The following YES1 variants were observed in gnomAD, a reference collection of about 807,000 sequenced individuals.
The protein encoded by YES1 is YES proto-oncogene 1, Src family tyrosine kinase, also known as tyrosine-protein kinase Yes.
A neutral mutation model predicts 70.4 loss-of-function variants in YES1; 39 were observed. That is an observed-to-expected ratio of 0.55 (90% CI 0.43 to 0.72). The LOEUF is 0.72. Among genes scored for constraint, YES1 ranks in the 30% least tolerant of loss-of-function variants. The pLI is 0.00. For missense variants in YES1, 495 were observed against 644.8 expected (o/e 0.77, Z 2.52); for synonymous variants, 198 against 218.6 (o/e 0.91, Z 0.83).
chr18:801,992 TGTTAGTG>T (rs1475329860), intron 1 of YES1, among the ~76,000 whole-genome samples: 4 of 152,240 alleles, frequency 2.6e-5, no homozygotes, highest in African/African-American at 9.6e-5. Flanking sequence ...TTGCTACAGT[TGTTAGTG>T]TAATAACACA....
chr18:762,169 A>C lies in YES1; in HGVS notation c.-8-5334T>G, dbSNP rs549303855. The stretch of plus-strand genomic sequence containing the variant: ...AACCCTGTCTCTACTAAAAATACAA[A>C]ATTAGCTGGGCGTGGTGGCCCATGC... On this transcript the variant is annotated intron_variant, in intron 1 of 11. Transcript: ENST00000314574. Among the ~76,000 whole-genome samples the C allele has an allele frequency of 1.1e-4, 17 of 152,274 alleles. 1 individual carries two copies. The highest frequency in any genetic ancestry group is 6.2e-4 in the South Asian group (3 of 4,812).
At chr18:736,570 G>A (rs553805130) in intron 10 of YES1, 346 of 366,246 alleles carry the variant, frequency 9.4e-4, no homozygotes, top group Non-Finnish European at 1.4e-3. Flanking sequence ...CAAAAGAAGT[G>A]TAAAGAGGCT....
chr18:731,636 G>C (rs1240232440), intron 11 of YES1, among the ~76,000 whole-genome samples: 1 of 152,156 alleles, frequency 6.6e-6, no homozygotes, highest in African/African-American at 2.4e-5. Context: ...TTTCAAGTGA[G>C]CTAAAATTTC....
intron 1 of YES1, among the ~76,000 whole-genome samples, chr18:787,281 G>A (rs1258010457): frequency 6.6e-6 from 1 of 150,958 alleles, no homozygotes. Context: ...TGTATTTTTA[G>A]TAGAGATAGG....
chr18:786,485 T>G (rs1181518375), intron 1 of YES1, among the ~76,000 whole-genome samples: 8 of 121,424 alleles, frequency 6.6e-5, no homozygotes, highest in Non-Finnish European at 1.3e-4. Flanking sequence ...ACATCATCAT[T>G]AATAAGTCCA....
At position 804,427 on chromosome 18, in the gene YES1, G is replaced by A. The variant is rs138815540; in HGVS notation, c.-9+7687C>T. On this transcript the variant is annotated intron_variant, in intron 1 of 11. Coordinates refer to ENST00000314574, the MANE Select transcript of YES1 (RefSeq NM_005433.4). ...GTTCGAGACCAGCCTGGCCAACATG[G>A]TGAAACCCCCATCTCTACTAAAAAT... 4.1e-3 allele frequency among the ~76,000 whole-genome samples: 616 copies of A among 152,048 alleles called. 8 individuals are homozygous for A. Among genetic ancestry groups the A allele is most frequent in the African/African-American group, 0.014 (591 of 41,460 alleles).
intron 1 of YES1, among the ~76,000 whole-genome samples, chr18:810,851 A>G (rs1368361992): frequency 6.6e-6 from 1 of 152,186 alleles, no homozygotes; most frequent in African/African-American, 2.4e-5. Flanking sequence ...CAATATATGA[A>G]CATCGTAAGT....
intron 8 of YES1, among the ~76,000 whole-genome samples, chr18:741,242 C>CTT (rs559380772): frequency 6.9e-6 from 1 of 144,542 alleles, no homozygotes; most frequent in Non-Finnish European, 1.5e-5. Flanking sequence ...TCCTTTTCTC[C>CTT]TTTTTTTTTT....
chr18:746,016 T>G lies in YES1; in HGVS notation c.506A>C (p.Glu169Ala). ...YFGKMGRKDA[E>A]RLLLNPGNQR... Reference sequence around the variant, plus strand: ...ATTTCCAGGATTCAAAAGTAATCTTTCAGCATCTTTTCTCCCCATTTTGCC... The same window carrying G: ...ATTTCCAGGATTCAAAAGTAATCTTGCAGCATCTTTTCTCCCCATTTTGCC... Residue 169 changes from glutamate to alanine, a missense_variant, in exon 5 of 12, where the codon GAA (glutamate) becomes GCA (alanine). By Grantham distance (107) the Glu-to-Ala change is moderately radical. Coordinates refer to ENST00000314574, the MANE Select transcript of YES1 (RefSeq NM_005433.4). The G allele has an allele frequency of 6.2e-7, 1 of 1,612,746 alleles. No individual in the cohort carries two copies. The highest frequency in any genetic ancestry group is 8.5e-7 in the Non-Finnish European group (1 of 1,179,636).
intron 1 of YES1, among the ~76,000 whole-genome samples, chr18:758,846 A>AACATGGATCTTGAG: frequency 6.6e-6 from 1 of 152,330 alleles, no homozygotes; most frequent in Admixed American, 6.5e-5. Flanking sequence ...TCTATCATAT[A>AACATGGATCTTGAG]GGTTTACTAA....
chr18:747,954 A>T lies in YES1; in HGVS notation c.436T>A (p.Tyr146Asn). The T allele has an allele frequency of 6.2e-7, 1 of 1,613,798 alleles. No homozygotes were observed. Among genetic ancestry groups the T allele is most frequent in the Non-Finnish European group, 8.5e-7 (1 of 1,179,968 alleles). The change falls in exon 4 of 12, where the codon TAT (tyrosine) becomes AAT (asparagine). Residue 146 changes from tyrosine (Y) to asparagine (N), a missense_variant. Transcript: ENST00000314574. Reference sequence around the variant, plus strand: ...TGAATGGAATCTGCAGGCGCTACATAATTGCTCGGGATATAACCATTCTTT... The same window carrying T: ...TGAATGGAATCTGCAGGCGCTACATTATTGCTCGGGATATAACCATTCTTT... ...TGKNGYIPSN[Y>N]VAPADSIQAE...
intron 1 of YES1, among the ~76,000 whole-genome samples, chr18:762,525 C>G (rs978033967): frequency 6.6e-6 from 1 of 151,946 alleles, no homozygotes; most frequent in Non-Finnish European, 1.5e-5. Context: ...ATAAACCAAA[C>G]AAGAAAAATC....
chr18:733,696 TGG>T (rs2145681176), intron 10 of YES1, among the ~76,000 whole-genome samples: 1 of 137,630 alleles, frequency 7.3e-6, no homozygotes, highest in African/African-American at 2.8e-5. Flanking sequence ...GGCAGGAGAA[TGG>T]TGTGAACCCA....
In YES1 at chr18:732,455, AAAC is replaced by A. The variant is rs1401690532; in HGVS notation, c.1423+376_1423+378del. 7.3e-3 allele frequency among the ~76,000 whole-genome samples: 1,040 copies of A among 142,210 alleles called. 20 individuals are homozygous for A. The highest frequency in any genetic ancestry group is 0.023 in the African/African-American group (832 of 36,142). The allele number at this position is 142,210 out of a possible 152,430, so 93.3% of individuals were successfully genotyped here. A position where few individuals can be genotyped will look rare whatever the true frequency, so the allele number is the denominator to read the frequency against. On this transcript the variant is annotated intron_variant, in intron 11 of 11. Transcript: ENST00000314574. ...GTGTTTAAAAAAAAAAAAAAAAAAA[AAAC>A]AAAACACCAATCACACTACTGGGAA...
chr18:796,334 T>TG (rs1225948808), intron 1 of YES1, among the ~76,000 whole-genome samples: 1 of 152,204 alleles, frequency 6.6e-6, no homozygotes, highest in Admixed American at 6.5e-5. Flanking sequence ...ACTTAACTGT[T>TG]GAAGGTTCTG....
chr18:730,487 G>C (rs1255073551), intron 11 of YES1, among the ~76,000 whole-genome samples: 1 of 151,940 alleles, frequency 6.6e-6, no homozygotes, highest in Non-Finnish European at 1.5e-5. Context: ...TGGGATTATA[G>C]GAGTGAGTCA....
At position 745,809 on chromosome 18, in the gene YES1, T is replaced by A; in HGVS notation, c.623A>T (p.Asn208Ile). ...TTTCCTAATTTTGTAGTGTTTCACA[T>A]TGTCACCCCTTATCTCATCCCAATC... ...IRDWDEIRGD[N>I]VKHYKIRKLD... Residue 208 changes from asparagine to isoleucine, a missense_variant, in exon 6 of 12, where the codon AAT (asparagine) becomes ATT (isoleucine). This residue lies in a region of YES1 where 385 missense variants were observed against 540.9 expected (regional missense o/e 0.71). Coordinates refer to ENST00000314574, the MANE Select transcript of YES1 (RefSeq NM_005433.4). 6.2e-7 allele frequency: 1 copy of A among 1,613,084 alleles called. No homozygotes were observed.
intron 1 of YES1, among the ~76,000 whole-genome samples, chr18:769,512 A>G (rs554880108): frequency 6.6e-6 from 1 of 152,302 alleles, no homozygotes; most frequent in African/African-American, 2.4e-5. Context: ...TCTTAAGAGG[A>G]AAGTATTTAG....
chr18:731,966 CAAAAAAAAA>C (rs1165333694), intron 11 of YES1, among the ~76,000 whole-genome samples: 16 of 79,970 alleles, frequency 2.0e-4, no homozygotes, highest in Non-Finnish European at 2.8e-4. Context: ...GACTCCATTT[CAAAAAAAAA>C]AAAAAAAAAA....
Sources: allele counts gnomAD v4.1 joint callset (sites outside exome capture counted in the v4.1 genomes callset), GRCh38; gene constraint gnomAD v4.1.1; regional missense constraint gnomAD v4.1.1; transcripts MANE v1.5; gene names NCBI Gene and HGNC (gene_info 2026-07-23, HGNC 2026-07-21).